The following COL8A1 variants were observed in gnomAD, a reference collection of about 807,000 sequenced individuals.
COL8A1 encodes the protein collagen alpha-1(VIII) chain.
COL8A1 carries 21 observed loss-of-function variants against 42.7 expected under a neutral mutation model. That is an observed-to-expected ratio of 0.49 (90% CI 0.35 to 0.71). COL8A1 has a LOEUF of 0.71. Among genes scored for constraint, COL8A1 ranks in the 30% least tolerant of loss-of-function variants. COL8A1 has a pLI of 0.01. For missense variants in COL8A1, 788 were observed against 962.4 expected (o/e 0.82, Z 2.40); for synonymous variants, 367 against 369.1 (o/e 0.99, Z 0.06).
intron 1 of COL8A1, among the ~76,000 whole-genome samples, chr3:99,701,154 A>G (rs1258619896): frequency 6.6e-6 from 1 of 152,234 alleles, no homozygotes; most frequent in Non-Finnish European, 1.5e-5. Flanking sequence ...GGCTGAGGCA[A>G]CTGGGAAACA....
rs374924888 is a variant in COL8A1 at position 99,780,804 on chromosome 3, A to G, written c.-3-9876A>G. The stretch of plus-strand genomic sequence containing the variant: ...TCTTTGAAAAATGTTCAGTGGATTA[A>G]CTGTGAAAACCTTATGATTTTTCCT... On this transcript the variant is annotated intron_variant, in intron 2 of 3. Transcript: ENST00000652472. Among the ~76,000 whole-genome samples the G allele has an allele frequency of 5.3e-5, 8 of 152,284 alleles. No individual in the cohort carries two copies. In the South Asian group the frequency reaches 1.7e-3, roughly 32 times the overall value.
rs1940690744 is a variant in COL8A1 at position 99,735,797 on chromosome 3, G to C, written c.-128-9100G>C. On this transcript the variant is annotated intron_variant, in intron 1 of 3. Transcript: ENST00000652472. Reference sequence around the variant, plus strand: ...ATCTGGTCCTGGACTCTTTTTGCTTGGTAAGCTATTGATTATTGCCACAAT... The same window carrying C: ...ATCTGGTCCTGGACTCTTTTTGCTTCGTAAGCTATTGATTATTGCCACAAT... Among the ~76,000 whole-genome samples, 8 of 152,066 alleles carry C rather than the reference G, an allele frequency of 5.3e-5. No individual in the cohort carries two copies. In the South Asian group the frequency reaches 1.7e-3, roughly 32 times the overall value.
intron 1 of COL8A1, among the ~76,000 whole-genome samples, chr3:99,642,364 C>A (rs1001256659): frequency 3.9e-5 from 6 of 152,120 alleles, no homozygotes; most frequent in Non-Finnish European, 8.8e-5. Context: ...CGTGTGTACT[C>A]AAATTCATGA....
intron 1 of COL8A1, among the ~76,000 whole-genome samples, chr3:99,640,041 G>A (rs1937474721): frequency 6.6e-6 from 1 of 152,104 alleles, no homozygotes; most frequent in South Asian, 2.1e-4. Context: ...CTTAGCTTTT[G>A]CATATCAAAA....
At chr3:99,689,225 T>C (rs1939148585) in intron 1 of COL8A1, among the ~76,000 whole-genome samples, 1 of 152,250 alleles carries the variant, frequency 6.6e-6, no homozygotes, top group Admixed American at 6.5e-5. Context: ...TTTTATTCAC[T>C]GACACTAACT....
At chr3:99,700,590 C>A (rs1939509162) in intron 1 of COL8A1, among the ~76,000 whole-genome samples, 1 of 152,154 alleles carries the variant, frequency 6.6e-6, no homozygotes. Context: ...CTCCAAACCA[C>A]CAAAACTGAG....
At chr3:99,669,152 G>GTATAT (rs1559773196) in intron 1 of COL8A1, among the ~76,000 whole-genome samples, 10 of 42,494 alleles carry the variant, frequency 2.4e-4, no homozygotes, top group African/African-American at 4.5e-4. Flanking sequence ...TATATAGAGG[G>GTATAT]AGAGAGAGAG....
chr3:99,679,165 C>T (rs1454889619), intron 1 of COL8A1: 2 of 152,168 alleles, frequency 1.3e-5, no homozygotes, highest in Non-Finnish European at 1.5e-5. Context: ...TGCAATCTTC[C>T]AAGTCCAAGA....
intron 1 of COL8A1, among the ~76,000 whole-genome samples, chr3:99,657,356 A>T (rs1271676988): frequency 6.6e-6 from 1 of 152,158 alleles, no homozygotes; most frequent in Non-Finnish European, 1.5e-5. Flanking sequence ...TGACTTCTTA[A>T]TTATTTTACA....
chr3:99,755,312 T>A (rs1013061540), intron 2 of COL8A1, among the ~76,000 whole-genome samples: 2 of 152,192 alleles, frequency 1.3e-5, no homozygotes, highest in Admixed American at 1.3e-4. Flanking sequence ...TTGAGTTTTT[T>A]AAAAGTTCTT....
At chr3:99,664,708 G>A (rs571611587) in intron 1 of COL8A1, among the ~76,000 whole-genome samples, 7 of 152,156 alleles carry the variant, frequency 4.6e-5, no homozygotes, top group Non-Finnish European at 1.0e-4. Context: ...AGAGAAGAAA[G>A]GGACTAGCTT....
At chr3:99,740,466 G>A (rs140595485) in intron 1 of COL8A1, among the ~76,000 whole-genome samples, 1 of 152,274 alleles carries the variant, frequency 6.6e-6, no homozygotes, top group East Asian at 1.9e-4. Context: ...CCATCATGGC[G>A]GAATGGGAAG....
chr3:99,759,310 A>G (rs1941320684), intron 2 of COL8A1, among the ~76,000 whole-genome samples: 1 of 152,184 alleles, frequency 6.6e-6, no homozygotes, highest in Non-Finnish European at 1.5e-5. Flanking sequence ...TGCATAACAA[A>G]TGAAAAGCAA....
At position 99,790,855 on chromosome 3, in the gene COL8A1, T is replaced by A. The variant is rs765891663; in HGVS notation, c.173T>A (p.Val58Glu). The A allele has an allele frequency of 6.2e-7, 1 of 1,614,242 alleles. No homozygotes were observed. Among genetic ancestry groups the A allele is most frequent in the African/African-American group, 1.3e-5 (1 of 75,072 alleles). The change falls in exon 3 of 4, where the codon GTA becomes GAA. Residue 58 changes from valine to glutamate, a missense_variant. By Grantham distance (121) the Val-to-Glu change is moderately radical. Transcript: ENST00000652472. Reference protein sequence around the residue: ...IPQYQPLGQQVPHMPLAKDGL... With the variant: ...IPQYQPLGQQEPHMPLAKDGL... ...CAATACCAGCCCCTGGGTCAGCAAG[T>A]ACCTCACATGCCTTTGGCCAAAGAT...
chr3:99,795,624 C>A lies in COL8A1; in HGVS notation c.1723C>A (p.Pro575Thr), dbSNP rs758122778. 1 of 1,613,118 alleles carries A rather than the reference C, an allele frequency of 6.2e-7. No homozygotes were observed. Among genetic ancestry groups the A allele is most frequent in the Non-Finnish European group, 8.5e-7 (1 of 1,179,394 alleles). The change falls in exon 4 of 4, where the codon CCC (proline) becomes ACC (threonine). Residue 575 changes from proline (P) to threonine (T), a missense_variant. Physicochemically the swap from Pro to Thr is conservative, Grantham distance 38 (BLOSUM62 -1). This residue lies in a region of COL8A1 where 154 missense variants were observed against 182.3 expected (regional missense o/e 0.84). Transcript: ENST00000652472. ...ACCTCCAGGACCCCCAGCTGTGATG[C>A]CCCCTACACCACCACCCCAGGGAGA... is the stretch of plus-strand genomic sequence containing the variant. ...PGPPGPPAVMPPTPPPQGEYL... is the reference protein window; with the variant it reads ...PGPPGPPAVMTPTPPPQGEYL...
intron 1 of COL8A1, among the ~76,000 whole-genome samples, chr3:99,694,424 C>A (rs551346658): frequency 6.6e-6 from 1 of 151,486 alleles, no homozygotes; most frequent in Non-Finnish European, 1.5e-5. Flanking sequence ...TGCAGAGAGC[C>A]GAGATCGCAC....
intron 2 of COL8A1, among the ~76,000 whole-genome samples, chr3:99,769,095 A>AATC (rs768162826): frequency 2.1e-4 from 32 of 152,332 alleles, no homozygotes; most frequent in South Asian, 6.2e-4. Flanking sequence ...TAGCTCTGTC[A>AATC]ATATCAGGTA....
At chr3:99,689,277 A>C (rs1167560332) in intron 1 of COL8A1, among the ~76,000 whole-genome samples, 1 of 152,244 alleles carries the variant, frequency 6.6e-6, no homozygotes, top group African/African-American at 2.4e-5. Flanking sequence ...CATATGAGGC[A>C]TTTAATTACT....
intron 3 of COL8A1, among the ~76,000 whole-genome samples, chr3:99,792,399 C>A (rs773543789): frequency 6.6e-6 from 1 of 152,088 alleles, no homozygotes; most frequent in Non-Finnish European, 1.5e-5. Context: ...AAGTATTATG[C>A]CAAGAAGATA....
Sources: allele counts gnomAD v4.1 joint callset (sites outside exome capture counted in the v4.1 genomes callset), GRCh38; gene constraint gnomAD v4.1.1; regional missense constraint gnomAD v4.1.1; transcripts MANE v1.5; gene names NCBI Gene and HGNC (gene_info 2026-07-23, HGNC 2026-07-21).